The following CD200R1 variants were observed in gnomAD, a reference collection of about 807,000 sequenced individuals.
CD200R1 encodes the protein CD200 receptor 1.
CD200R1 carries 30 observed loss-of-function variants against 38.1 expected under a neutral mutation model. That is an observed-to-expected ratio of 0.79 (90% CI 0.59 to 1.07). The LOEUF (loss-of-function observed/expected upper bound fraction) is 1.07, where lower values mean the gene tolerates loss of function less well. Among genes scored for constraint, CD200R1 ranks in the 50% least tolerant of loss-of-function variants. CD200R1 has a pLI of 0.00. For synonymous variants in CD200R1, 128 were observed against 152.1 expected (o/e 0.84, Z 1.16); for missense variants, 372 against 415.4 (o/e 0.90, Z 0.91).
At chr3:112,946,443 A>T (rs1226408818) in intron 2 of CD200R1, among the ~76,000 whole-genome samples, 2 of 152,214 alleles carry the variant, frequency 1.3e-5, no homozygotes, top group African/African-American at 2.4e-5. Context: ...TCCAAAACAC[A>T]CAAAGGAACC....
chr3:112,960,918 T>G (rs1933000837), intron 1 of CD200R1, among the ~76,000 whole-genome samples: 1 of 152,132 alleles, frequency 6.6e-6, no homozygotes, highest in Non-Finnish European at 1.5e-5. Context: ...TACTTTTTTA[T>G]TTTTAGCATT....
chr3:112,937,665 G>C (rs974360598), intron 2 of CD200R1, among the ~76,000 whole-genome samples: 1 of 151,998 alleles, frequency 6.6e-6, no homozygotes, highest in African/African-American at 2.4e-5. Context: ...AATTGCCTTT[G>C]CTATTTGGGT....
intron 2 of CD200R1, among the ~76,000 whole-genome samples, chr3:112,944,571 G>A (rs1160854047): frequency 6.6e-6 from 1 of 152,010 alleles, no homozygotes; most frequent in African/African-American, 2.4e-5. Flanking sequence ...AAAGCAAGAT[G>A]ACTCTTTTCA....
At position 112,973,297 on chromosome 3, in the gene CD200R1, G is replaced by A. The variant is rs1233772301; in HGVS notation, c.67+1494C>T. 2.0e-5 allele frequency among the ~76,000 whole-genome samples: 3 copies of A among 152,136 alleles called. No individual in the cohort carries two copies. In the East Asian group the frequency reaches 5.8e-4, roughly 29 times the overall value. On this transcript the variant is annotated intron_variant, in intron 1 of 7. Transcript: ENST00000308611. ...AGATTCAGATCACTTGACTTTTTAGGTGAGTAACAGTCTATTAAGGCTAAA... is the reference window on the plus strand; with the variant it reads ...AGATTCAGATCACTTGACTTTTTAGATGAGTAACAGTCTATTAAGGCTAAA...
At chr3:112,971,287 C>A (rs1027404868) in intron 1 of CD200R1, among the ~76,000 whole-genome samples, 1 of 152,086 alleles carries the variant, frequency 6.6e-6, no homozygotes, top group Non-Finnish European at 1.5e-5. Context: ...TAGGAAATGA[C>A]AAGAACAAAA....
At chr3:112,945,800 C>T (rs1015871081) in intron 2 of CD200R1, among the ~76,000 whole-genome samples, 4 of 151,982 alleles carry the variant, frequency 2.6e-5, no homozygotes, top group Admixed American at 1.3e-4. Flanking sequence ...AAGGCCGAGG[C>T]GGGCGGATCA....
chr3:112,958,724 T>C (rs1201524569), intron 1 of CD200R1, among the ~76,000 whole-genome samples: 12 of 152,100 alleles, frequency 7.9e-5, no homozygotes, highest in Admixed American at 7.9e-4. Context: ...TCCACACAAA[T>C]AAACACAAAA....
At chr3:112,967,383 A>T (rs1933195552) in intron 1 of CD200R1, among the ~76,000 whole-genome samples, 1 of 152,140 alleles carries the variant, frequency 6.6e-6, no homozygotes, top group African/African-American at 2.4e-5. Context: ...GTTTCTGTTC[A>T]TCTTCATCTT....
chr3:112,954,729 A>G lies in CD200R1; in HGVS notation c.68-6805T>C, dbSNP rs1941049947. The stretch of plus-strand genomic sequence containing the variant: ...GTGGTGTACCCGGAAAGAGCATGGG[A>G]ATTCTGCACCCCTTCCCACATGCCT... On this transcript the variant is annotated intron_variant, in intron 1 of 7. Transcript: ENST00000308611. 2.0e-5 allele frequency among the ~76,000 whole-genome samples: 3 copies of G among 152,214 alleles called. No individual in the cohort carries two copies. The South Asian group carries it at 6.2e-4, about 32-fold the overall frequency.
chr3:112,963,732 G>C (rs1268806780), intron 1 of CD200R1, among the ~76,000 whole-genome samples: 2 of 152,132 alleles, frequency 1.3e-5, no homozygotes, highest in South Asian at 2.1e-4. Context: ...CACTTTCTGA[G>C]GAGAAATTCA....
chr3:112,964,920 A>C (rs539495318), intron 1 of CD200R1, among the ~76,000 whole-genome samples: 1 of 152,162 alleles, frequency 6.6e-6, no homozygotes, highest in East Asian at 1.9e-4. Flanking sequence ...ATAGTGAATA[A>C]ATCTCATGAG....
intron 1 of CD200R1, among the ~76,000 whole-genome samples, chr3:112,960,219 C>T (rs28394328): frequency 0.36 from 54,522 of 151,784 alleles, 9,944 homozygotes; most frequent in Admixed American, 0.43. Flanking sequence ...GTCAATAGAA[C>T]ACAGAAACTT....
intron 1 of CD200R1, among the ~76,000 whole-genome samples, chr3:112,966,924 C>T (rs147862889): frequency 6.6e-6 from 1 of 152,316 alleles, no homozygotes; most frequent in Non-Finnish European, 1.5e-5. Flanking sequence ...CGTCTATCTA[C>T]TCAAACTGCA....
At chr3:112,931,015 G>T in intron 3 of CD200R1, 91 bp downstream of exon 3, 1 of 891,492 alleles carries the variant, frequency 1.1e-6, no homozygotes, top group Non-Finnish European at 1.9e-6. Flanking sequence ...TAGTCATAAG[G>T]CTGGCTTCCA....
chr3:112,931,799 G>C lies in CD200R1; in HGVS notation c.137-628C>G, dbSNP rs74769383. On this transcript the variant is annotated intron_variant, in intron 2 of 7. Transcript: ENST00000308611. The stretch of plus-strand genomic sequence containing the variant: ...AATAGACAGCTAAGATTCTACTGGA[G>C]TATCAAAGGGAGAGTGCAGGAGTGC... Among the ~76,000 whole-genome samples the C allele has an allele frequency of 4.1e-3, 624 of 152,136 alleles. 4 individuals are homozygous for C. The highest frequency in any genetic ancestry group is 0.014 in the African/African-American group (593 of 41,520).
intron 1 of CD200R1, among the ~76,000 whole-genome samples, chr3:112,949,227 T>G (rs1327580098): frequency 6.6e-6 from 1 of 152,220 alleles, no homozygotes; most frequent in African/African-American, 2.4e-5. Flanking sequence ...GCTCTAACTG[T>G]GCAAGGCACA....
chr3:112,953,466 G>A (rs971829554), intron 1 of CD200R1, among the ~76,000 whole-genome samples: 19 of 152,130 alleles, frequency 1.2e-4, no homozygotes, highest in Non-Finnish European at 2.4e-4. Context: ...TTCTGGCCTC[G>A]TAAAATGACT....
intron 1 of CD200R1, among the ~76,000 whole-genome samples, chr3:112,957,447 C>CA (rs59411291): frequency 0.029 from 4,329 of 151,530 alleles, 196 homozygotes; most frequent in East Asian, 0.22. Context: ...TATACATATG[C>CA]AAAAAAAATG....
chr3:112,950,080 T>C (rs1940943759), intron 1 of CD200R1, among the ~76,000 whole-genome samples: 1 of 152,214 alleles, frequency 6.6e-6, no homozygotes, highest in African/African-American at 2.4e-5. Flanking sequence ...AAATTAAAAG[T>C]ATTTGGAAAT....
Sources: allele counts gnomAD v4.1 joint callset (sites outside exome capture counted in the v4.1 genomes callset), GRCh38; gene constraint gnomAD v4.1.1; transcripts MANE v1.5; gene names NCBI Gene and HGNC (gene_info 2026-07-23, HGNC 2026-07-21).